The following MCFD2 variants were observed in gnomAD, a reference collection of about 807,000 sequenced individuals.
MCFD2 encodes the protein multiple coagulation factor deficiency protein 2.
MCFD2 carries 11 observed loss-of-function variants against 12.8 expected under a neutral mutation model. That is an observed-to-expected ratio of 0.86 (90% confidence interval 0.54 to 1.42). The LOEUF is 1.42. Among genes scored for constraint, MCFD2 ranks in the 40% most tolerant of loss-of-function variants. The probability of loss-of-function intolerance (pLI) is 0.00; values close to 1 mark genes in which losing one functional copy is unlikely to be tolerated. For synonymous variants in MCFD2, 70 were observed against 68.1 expected (o/e 1.03, Z -0.14); for missense variants, 191 against 178.6 (o/e 1.07, Z -0.40).
chr2:46,902,567 TG>T lies in MCFD2; in HGVS notation c.*2895del, dbSNP rs748164901. On this transcript the variant is annotated 3_prime_UTR_variant, in exon 4 of 4. Coordinates refer to ENST00000319466, the MANE Select transcript of MCFD2 (RefSeq NM_139279.6). ...TAAAGTATAAGGATGTGGCAGTAGT[TG>T]TATAAAATACTGAAAATCTGAAAGA... 6.5e-6 allele frequency: 1 copy of T among 152,694 alleles called. No homozygotes were observed. The highest frequency in any genetic ancestry group is 2.4e-5 in the African/African-American group (1 of 41,474). 9.5% of individuals were successfully genotyped at this position (152,694 alleles called of 1,614,324 possible).
In MCFD2 at chr2:46,911,717, C is replaced by T. The variant is rs138280774; in HGVS notation, c.-6-2540G>A. ...CGGGCAGATCACGAGGTCAGGAGAT[C>T]GAGACCACCCTGGCTAACACGGTGA... On this transcript the variant is annotated intron_variant, in intron 1 of 3. Coordinates refer to ENST00000319466, the MANE Select transcript of MCFD2 (RefSeq NM_139279.6). Among the ~76,000 whole-genome samples, 1,006 of 150,704 alleles carry T rather than the reference C, an allele frequency of 6.7e-3. 13 individuals are homozygous for T. Among genetic ancestry groups the T allele is most frequent in the African/African-American group, 0.023 (943 of 41,118 alleles).
In MCFD2 at chr2:46,924,562, A is replaced by T. The variant is rs1166535912; in HGVS notation, c.-7-16593T>A. Among the ~76,000 whole-genome samples, 4 of 152,214 alleles carry T rather than the reference A, an allele frequency of 2.6e-5. No homozygotes were observed. In the East Asian group the frequency reaches 7.7e-4, roughly 29 times the overall value. On this transcript the variant is annotated intron_variant, in intron 1 of 2. Coordinates refer to the MCFD2 transcript ENST00000409147. ...GAATATGAGAAGAAAACTTGAAGAAAATCTGGAATAAAAATATACCATGTG... is the reference window on the plus strand; with the variant it reads ...GAATATGAGAAGAAAACTTGAAGAATATCTGGAATAAAAATATACCATGTG...
rs367805002 is a variant in MCFD2, at chr2:46,941,770, A to C, written c.-206T>G. 6.5e-7 allele frequency: 1 copy of C among 1,545,746 alleles called. No homozygotes were observed. The highest frequency in any genetic ancestry group is 1.4e-5 in the African/African-American group (1 of 72,854). On this transcript the variant is annotated 5_prime_UTR_variant, in exon 1 of 3. Transcript: ENST00000409147. The surrounding 1 kb of genome is among the most constrained non-coding windows in gnomAD (Gnocchi z 4.2). Reference sequence around the variant, plus strand: ...GGCTCGCCGGCAGCGAGCGCGCGAAACGCACCGCCTCCTCCAGGAAGCGCG... The same window carrying C: ...GGCTCGCCGGCAGCGAGCGCGCGAACCGCACCGCCTCCTCCAGGAAGCGCG...
intron 1 of MCFD2, among the ~76,000 whole-genome samples, chr2:46,936,406 G>A (rs538656153): frequency 1.5e-4 from 23 of 152,226 alleles, no homozygotes; most frequent in African/African-American, 5.1e-4. Flanking sequence ...TTTCTCAGAC[G>A]TGTCTTATTT....
At chr2:46,921,477 A>G (rs1669099047) in intron 1 of MCFD2, among the ~76,000 whole-genome samples, 1 of 152,244 alleles carries the variant, frequency 6.6e-6, no homozygotes, top group African/African-American at 2.4e-5. Flanking sequence ...TTAATAGTCT[A>G]GTCATTCTGT....
rs1325570159 is a variant in MCFD2, at chr2:46,915,720, C to T, written c.-7+3G>A. On this transcript the variant is annotated splice_donor_region_variant and intron_variant, in intron 1 of 3. Coordinates refer to ENST00000319466, the MANE Select transcript of MCFD2 (RefSeq NM_139279.6). ...GCTGCGGAGAGTGCGCTAGTTCACT[C>T]ACCCTTACGGTCTCCGAAGCAGACG... 1.0e-6 allele frequency: 1 copy of T among 971,240 alleles called. No individual in the cohort carries two copies. Among genetic ancestry groups the T allele is most frequent in the East Asian group, 1.2e-4 (1 of 8,688 alleles). 60.2% of individuals were successfully genotyped at this position (971,240 alleles called of 1,614,324 possible).
At chr2:46,918,061 T>C (rs1205869442), upstream of MCFD2, among the ~76,000 whole-genome samples, 3 of 152,218 alleles carry the variant, frequency 2.0e-5, no homozygotes, top group African/African-American at 7.2e-5. Context: ...TCTCTGACAA[T>C]GACCTCTCTG....
At chr2:46,924,768 A>C (rs1669298307) in intron 1 of MCFD2, among the ~76,000 whole-genome samples, 1 of 152,138 alleles carries the variant, frequency 6.6e-6, no homozygotes, top group South Asian at 2.1e-4. Context: ...CTGGGACTAC[A>C]GGCACACTGC....
rs181512215 is a variant in MCFD2 at position 46,922,125 on chromosome 2, C to G, written c.-7-14156G>C. Among the ~76,000 whole-genome samples, 4 of 152,292 alleles carry G rather than the reference C, an allele frequency of 2.6e-5. No individual in the cohort carries two copies. The East Asian group carries it at 7.7e-4, about 29-fold the overall frequency. On this transcript the variant is annotated intron_variant, in intron 1 of 2. Coordinates refer to the MCFD2 transcript ENST00000409147. ...CTAGTCTGTGAAGCGTGCCCTTGAG[C>G]AGGCTGGCTAGGGTCATCAAACAAC...
chr2:46,916,272 G>T, upstream of MCFD2: 1 of 703,350 alleles, frequency 1.4e-6, no homozygotes, highest in Non-Finnish European at 1.7e-6. Context: ...CGCTGGAGCC[G>T]GCCTTGGACC....
At position 46,940,807 on chromosome 2, in the gene MCFD2, C is replaced by A. The variant is rs1293455662; in HGVS notation, c.-8+765G>T. Among the ~76,000 whole-genome samples the A allele has an allele frequency of 1.3e-5, 2 of 152,152 alleles. No homozygotes were observed. Among genetic ancestry groups the A allele is most frequent in the African/African-American group, 4.8e-5 (2 of 41,444 alleles). ...CGCAACAGGGCGGGGCGGACAGCGG[C>A]AGGCCAGCTCCCGGGAGGCTCGCCG... On this transcript the variant is annotated intron_variant, in intron 1 of 2. Transcript: ENST00000409147. This position sits in a 1 kb window ranked among gnomAD's most constrained non-coding sequence, Gnocchi z 4.7.
chr2:46,915,811 GCCCCCCCCCC>G (rs372282781), upstream of MCFD2: 6 of 332,964 alleles, frequency 1.8e-5, 2 homozygotes, highest in African/African-American at 4.8e-5. Context: ...GCTTCGCCCC[GCCCCCCCCCC>G]CCCCCCGACC....
At chr2:46,914,683 A>G (rs1668630273) in intron 1 of MCFD2, among the ~76,000 whole-genome samples, 1 of 152,208 alleles carries the variant, frequency 6.6e-6, no homozygotes, top group African/African-American at 2.4e-5. Context: ...GGTAGAAAAG[A>G]GAGACCGGCA....
chr2:46,909,328 G>C (rs1211631873), intron 1 of MCFD2, among the ~76,000 whole-genome samples, 151 bp from the exon 2 acceptor site: 2 of 152,192 alleles, frequency 1.3e-5, no homozygotes, highest in Admixed American at 1.3e-4. Flanking sequence ...GCTCTGCTTT[G>C]AGACTGTGGG....
chr2:46,902,788 G>GAATA lies in MCFD2; in HGVS notation c.*2671_*2674dup, dbSNP rs1668065246. 6.6e-6 allele frequency: 1 copy of GAATA among 152,116 alleles called. No individual in the cohort carries two copies. The highest frequency in any genetic ancestry group is 1.5e-5 in the Non-Finnish European group (1 of 68,034). The allele number at this position is 152,116 out of a possible 1,614,324, so 9.4% of individuals were successfully genotyped here. A position where few individuals can be genotyped will look rare whatever the true frequency, so the allele number is the denominator to read the frequency against. On this transcript the variant is annotated 3_prime_UTR_variant, in exon 4 of 4. Transcript: ENST00000319466. ...TCATTTAGGCCAGGGGAACTTTACA[G>GAATA]AATACTGACCATGTTTGCCTGAAGA...
In MCFD2 at chr2:46,934,787, C is replaced by CTT. The variant is rs1161003607; in HGVS notation, c.-8+6783_-8+6784dup. Reference sequence around the variant, plus strand: ...GGAATAAGGTATGAAGACTACTGCTCTTTTTTTTTTTTTTTTTTTTTTTTT... The same window carrying CTT: ...GGAATAAGGTATGAAGACTACTGCTCTTTTTTTTTTTTTTTTTTTTTTTTTTT... On this transcript the variant is annotated intron_variant, in intron 1 of 2. Transcript: ENST00000409147. Among the ~76,000 whole-genome samples, 529 of 66,830 alleles carry CTT rather than the reference C, an allele frequency of 7.9e-3. 19 individuals carry two copies. Among genetic ancestry groups the CTT allele is most frequent in the Non-Finnish European group, 0.011 (399 of 37,254 alleles). The allele number at this position is 66,830 out of a possible 152,430, so 43.8% of individuals were successfully genotyped here. A position where few individuals can be genotyped will look rare whatever the true frequency, so the allele number is the denominator to read the frequency against.
Position 46,941,503 on chromosome 2 carries a change from C to T in MCFD2, c.-8+69G>A. 1 of 1,545,646 alleles carries T rather than the reference C, an allele frequency of 6.5e-7. No individual in the cohort carries two copies. The highest frequency in any genetic ancestry group is 1.4e-5 in the African/African-American group (1 of 72,590). ...GACGCCGCCCCCGGCCGGGTCTCCA[C>T]TTCTTGGCCGCACCTTCCATGACAG... On this transcript the variant is annotated intron_variant, in intron 1 of 2. Transcript: ENST00000409147. The surrounding 1 kb of genome is among the most constrained non-coding windows in gnomAD (Gnocchi z 4.2).
chr2:46,936,463 T>A (rs554747218), intron 1 of MCFD2, among the ~76,000 whole-genome samples: 27 of 152,290 alleles, frequency 1.8e-4, no homozygotes, highest in African/African-American at 6.3e-4. Context: ...ACCCTCTGTC[T>A]GCTGGGAACT....
chr2:46,938,669 G>T (rs1429064748), intron 1 of MCFD2, among the ~76,000 whole-genome samples: 1 of 152,076 alleles, frequency 6.6e-6, no homozygotes, highest in African/African-American at 2.4e-5. Flanking sequence ...TTCTCTTATA[G>T]TCAATAAATT....
Sources: allele counts gnomAD v4.1 joint callset (sites outside exome capture counted in the v4.1 genomes callset), GRCh38; gene constraint gnomAD v4.1.1; non-coding constraint Gnocchi (gnomAD v3.1); transcripts MANE v1.5; gene names NCBI Gene and HGNC (gene_info 2026-07-23, HGNC 2026-07-21).